KAZN: variants seen among roughly 807,000 people sequenced by gnomAD.
KAZN encodes kazrin, periplakin interacting protein.
Under a neutral mutation model 87.4 loss-of-function variants are expected in KAZN, and 40 were observed. The observed-to-expected ratio is 0.46, with a 90% CI of 0.36 to 0.60. KAZN has a LOEUF of 0.60. Ranked by LOEUF, KAZN falls within the 20% of genes least tolerant of loss-of-function variation. The pLI is 0.00. For missense variants in KAZN, 898 were observed against 1,073.9 expected (o/e 0.84, Z 2.29); for synonymous variants, 466 against 458.3 (o/e 1.02, Z -0.22).
intron 2 of KAZN, among the ~76,000 whole-genome samples, chr1:14,545,751 A>C (rs539824759): frequency 6.6e-6 from 1 of 152,342 alleles, no homozygotes; most frequent in South Asian, 2.1e-4. Flanking sequence ...GTCACTCAGG[A>C]AACTCAGATA....
intron 2 of KAZN, among the ~76,000 whole-genome samples, chr1:14,385,677 ATAGT>A (rs1661812354): frequency 6.6e-6 from 1 of 151,864 alleles, no homozygotes; most frequent in Non-Finnish European, 1.5e-5. Flanking sequence ...GGTCTGAGAG[ATAGT>A]TTGTTATAAT....
chr1:14,031,026 T>G (rs1641306417), intron 1 of KAZN, among the ~76,000 whole-genome samples: 1 of 152,210 alleles, frequency 6.6e-6, no homozygotes, highest in African/African-American at 2.4e-5. Flanking sequence ...CGGTTTCTCC[T>G]GACTTGAAAA....
chr1:14,421,133 C>T (rs901685198), intron 2 of KAZN, among the ~76,000 whole-genome samples: 9 of 152,218 alleles, frequency 5.9e-5, no homozygotes, highest in African/African-American at 2.2e-4. Flanking sequence ...AGAGCTACTA[C>T]TACATCAATT....
intron 2 of KAZN, among the ~76,000 whole-genome samples, chr1:14,962,944 A>G (rs536816695): frequency 6.6e-6 from 1 of 152,146 alleles, no homozygotes; most frequent in East Asian, 1.9e-4. Flanking sequence ...AGGATGTACA[A>G]CCTAGCCTCT....
chr1:14,888,950 T>C (rs1654413046), intron 1 of KAZN, among the ~76,000 whole-genome samples: 1 of 152,206 alleles, frequency 6.6e-6, no homozygotes, highest in African/African-American at 2.4e-5. Context: ...TAGGCCACAT[T>C]GGAAGAAGAA....
At chr1:13,964,578 C>A (rs892894105) in intron 1 of KAZN, among the ~76,000 whole-genome samples, 9 of 152,124 alleles carry the variant, frequency 5.9e-5, no homozygotes. Flanking sequence ...GTTCTTTAAA[C>A]GTAGTCTCTC....
In KAZN at chr1:14,056,974, G is replaced by A. The variant is rs373894956; in HGVS notation, c.92-123461G>A. On this transcript the variant is annotated intron_variant, in intron 1 of 16. Coordinates refer to the KAZN transcript ENST00000636203. ...TGGGAGGATCGCTTGAGCCCAGGAG[G>A]CAGAGGTTGCAGTGAGCTGTGATCA... is the stretch of plus-strand genomic sequence containing the variant. Among the ~76,000 whole-genome samples the A allele has an allele frequency of 3.3e-5, 5 of 150,396 alleles. No individual in the cohort carries two copies. In the South Asian group the frequency reaches 6.3e-4, roughly 19 times the overall value.
At chr1:14,989,041 G>C (rs545629362) in intron 2 of KAZN, among the ~76,000 whole-genome samples, 17 of 152,328 alleles carry the variant, frequency 1.1e-4, no homozygotes, top group African/African-American at 3.6e-4. Context: ...AGGTGCTGGT[G>C]CCATCATGGT....
chr1:14,444,230 G>C (rs555001263), intron 2 of KAZN, among the ~76,000 whole-genome samples: 2 of 151,648 alleles, frequency 1.3e-5, no homozygotes, highest in Admixed American at 1.3e-4. Context: ...CACTGCAGCA[G>C]TGATCCTTAC....
At chr1:14,843,614 GGT>G (rs1230637928) in intron 1 of KAZN, among the ~76,000 whole-genome samples, 1 of 152,240 alleles carries the variant, frequency 6.6e-6, no homozygotes, top group Non-Finnish European at 1.5e-5. Context: ...AAGACCCAGA[GGT>G]GGGAAAGATT....
At chr1:14,865,541 CCTT>C (rs2101036970) in intron 1 of KAZN, among the ~76,000 whole-genome samples, 1 of 152,208 alleles carries the variant, frequency 6.6e-6, no homozygotes, top group African/African-American at 2.4e-5. Context: ...CAGAAAACAC[CCTT>C]CTTCTTGCCA....
chr1:13,979,166 C>T (rs1330422568), intron 1 of KAZN, among the ~76,000 whole-genome samples: 1 of 150,986 alleles, frequency 6.6e-6, no homozygotes, highest in Admixed American at 6.6e-5. Context: ...TTGAAAGCAT[C>T]AAGCCCCAAA....
At chr1:14,547,811 G>A (rs1276449392) in intron 2 of KAZN, among the ~76,000 whole-genome samples, 3 of 152,018 alleles carry the variant, frequency 2.0e-5, no homozygotes, top group East Asian at 1.9e-4. Context: ...GGATGGTCTC[G>A]ATCTCCTGAC....
intron 2 of KAZN, among the ~76,000 whole-genome samples, chr1:14,211,434 C>T (rs1646850921): frequency 6.6e-6 from 1 of 152,276 alleles, no homozygotes; most frequent in Middle Eastern, 3.4e-3. Context: ...TTGTGTTAGC[C>T]AGGATGGTCT....
At chr1:14,381,869 G>A (rs1661397262) in intron 2 of KAZN, among the ~76,000 whole-genome samples, 2 of 152,008 alleles carry the variant, frequency 1.3e-5, no homozygotes, top group African/African-American at 2.4e-5. Context: ...CATCCAAATT[G>A]GAAAGGAAGA....
At chr1:14,247,519 T>C (rs1351815467) in intron 2 of KAZN, among the ~76,000 whole-genome samples, 3 of 152,224 alleles carry the variant, frequency 2.0e-5, no homozygotes, top group African/African-American at 7.2e-5. Flanking sequence ...ACATGAGGTG[T>C]TCGGTTTTCT....
chr1:14,345,761 C>T (rs1658060719), intron 2 of KAZN, among the ~76,000 whole-genome samples: 1 of 152,152 alleles, frequency 6.6e-6, no homozygotes. Flanking sequence ...CAATACTCAC[C>T]AGGTGATGCC....
At chr1:14,558,531 G>A (rs116770613) in intron 2 of KAZN, among the ~76,000 whole-genome samples, 145 of 152,276 alleles carry the variant, frequency 9.5e-4, no homozygotes, top group African/African-American at 3.5e-3. Flanking sequence ...TCTCAGCTGG[G>A]TACATCCAAT....
At chr1:14,116,148 T>G (rs1644611925) in intron 1 of KAZN, among the ~76,000 whole-genome samples, 1 of 152,052 alleles carries the variant, frequency 6.6e-6, no homozygotes, top group South Asian at 2.1e-4. Flanking sequence ...TGAGGAGAAA[T>G]CCAAGCTGAC....
Sources: allele counts gnomAD v4.1 joint callset (sites outside exome capture counted in the v4.1 genomes callset), GRCh38; gene constraint gnomAD v4.1.1; transcripts MANE v1.5; gene names NCBI Gene and HGNC (gene_info 2026-07-23, HGNC 2026-07-21).